Variants in PICK1 observed in about 807,000 individuals in gnomAD.
The protein encoded by PICK1 is protein interacting with PRKCA 1, also known as PRKCA-binding protein.
A neutral mutation model predicts 48.9 loss-of-function variants in PICK1; 23 were observed. The observed-to-expected ratio is 0.47, with a 90% CI of 0.34 to 0.67. PICK1 has a LOEUF of 0.67. Among genes scored for constraint, PICK1 ranks in the 30% least tolerant of loss-of-function variants. PICK1 has a pLI of 0.01. For synonymous variants in PICK1, 217 were observed against 228.2 expected (o/e 0.95, Z 0.44); for missense variants, 423 against 557.1 (o/e 0.76, Z 2.42).
intron 7 of PICK1, among the ~76,000 whole-genome samples, chr22:38,071,304 A>G (rs771739222): frequency 2.0e-5 from 3 of 152,162 alleles, no homozygotes; most frequent in Non-Finnish European, 2.9e-5. Flanking sequence ...AGATCACACC[A>G]CCGCACTCTA....
Position 38,074,971 on chromosome 22 carries a change from G to C in PICK1, c.1087G>C (p.Asp363His). 4 of 1,613,786 alleles carry C rather than the reference G, an allele frequency of 2.5e-6. No individual in the cohort carries two copies. Among genetic ancestry groups the C allele is most frequent in the Non-Finnish European group, 3.4e-6 (4 of 1,180,046 alleles). The change falls in exon 13 of 13, where the codon GAC (aspartate) becomes CAC (histidine). Residue 363 changes from aspartate (D) to histidine (H), a missense_variant. Transcript: ENST00000356976. This position sits in a 1 kb window ranked among gnomAD's most constrained non-coding sequence, Gnocchi z 4.5. ...RDADVFPIEV[D>H]LAHTTLAYGL... ...TGCCGACGTCTTCCCCATCGAGGTA[G>C]ACCTGGCGCACACCACATTGGCCTA...
At chr22:38,060,627 A>C (rs963570628) in intron 3 of PICK1, among the ~76,000 whole-genome samples, 1 of 152,112 alleles carries the variant, frequency 6.6e-6, no homozygotes, top group Non-Finnish European at 1.5e-5. Flanking sequence ...AGGAGGCATT[A>C]GCAAGACCTC....
At position 38,075,341 on chromosome 22, in the gene PICK1, C is replaced by T. The variant is rs2085816224; in HGVS notation, c.*209C>T. 8 of 563,402 alleles carry T rather than the reference C, an allele frequency of 1.4e-5. No individual in the cohort carries two copies. Among genetic ancestry groups the T allele is most frequent in the African/African-American group, 3.8e-5 (2 of 53,232 alleles). The allele number at this position is 563,402 out of a possible 1,614,324, so 34.9% of individuals were successfully genotyped here. On this transcript the variant is annotated 3_prime_UTR_variant, in exon 13 of 13. Coordinates refer to ENST00000356976, the MANE Select transcript of PICK1 (RefSeq NM_012407.4). The stretch of plus-strand genomic sequence containing the variant: ...GCCTGGGACCTGGACACTGGCCCCT[C>T]CACCCTCCCTCCCCTCCCGGCTCCC...
In PICK1 at chr22:38,075,431, A is replaced by G. The variant is rs564538221; in HGVS notation, c.*299A>G. On this transcript the variant is annotated 3_prime_UTR_variant, in exon 13 of 13. Coordinates refer to ENST00000356976, the MANE Select transcript of PICK1 (RefSeq NM_012407.4). ...AAGGAGAGGGAGGGCAGGAAGGAAA[A>G]GAAAGGACTTGGAGGTGGCAGGAGT... 1 of 394,942 alleles carries G rather than the reference A, an allele frequency of 2.5e-6. No individual in the cohort carries two copies. The highest frequency in any genetic ancestry group is 2.0e-5 in the African/African-American group (1 of 49,888). 24.5% of individuals were successfully genotyped at this position (394,942 alleles called of 1,614,324 possible).
chr22:38,059,267 G>A lies in PICK1; in HGVS notation c.75G>A (p.Leu25=). 1 of 1,584,868 alleles carries A rather than the reference G, an allele frequency of 6.3e-7. No homozygotes were observed. The highest frequency in any genetic ancestry group is 8.6e-7 in the Non-Finnish European group (1 of 1,164,910). ...GIPTVPGKVT[L]QKDAQNLIGI... is the part of the protein sequence containing the mutation. ...CGACTGTGCCTGGGAAGGTGACCCT[G>A]CAGAAGGATGCTCAGAACCTGATCG... The change falls in exon 3 of 13, where the codon CTG becomes CTA. Residue 25 remains leucine (L), a synonymous_variant. Transcript: ENST00000356976.
intron 6 of PICK1, among the ~76,000 whole-genome samples, chr22:38,069,329 T>C (rs1457940521): frequency 6.6e-6 from 1 of 152,164 alleles, no homozygotes; most frequent in Non-Finnish European, 1.5e-5. Context: ...TGGGCTGTCT[T>C]AGCCAGTGCC....
chr22:38,063,522 A>G (rs936395552), intron 3 of PICK1, among the ~76,000 whole-genome samples: 4 of 152,192 alleles, frequency 2.6e-5, no homozygotes, highest in African/African-American at 7.2e-5. Flanking sequence ...GAGGAAAAAA[A>G]GAAAAAAGAG....
rs574591289 is a variant in PICK1, at chr22:38,063,399, G to C, written c.154-1603G>C. Among the ~76,000 whole-genome samples, 7 of 152,080 alleles carry C rather than the reference G, an allele frequency of 4.6e-5. No individual in the cohort carries two copies. The South Asian group carries it at 1.5e-3, about 32-fold the overall frequency. The stretch of plus-strand genomic sequence containing the variant: ...TCTTCCCACCTCGGTTTCCCAAAAT[G>C]CTGGGATTACAGGTGCGCACCACCG... On this transcript the variant is annotated intron_variant, in intron 3 of 12. Coordinates refer to ENST00000356976, the MANE Select transcript of PICK1 (RefSeq NM_012407.4).
Position 38,074,273 on chromosome 22 carries a change from C to A in PICK1, c.835-34C>A. On this transcript the variant is annotated intron_variant, in intron 11 of 12. Coordinates refer to ENST00000356976, the MANE Select transcript of PICK1 (RefSeq NM_012407.4). This position sits in a 1 kb window ranked among gnomAD's most constrained non-coding sequence, Gnocchi z 4.5. ...AGCACAGTGCGGTGCGAGGCCGTCC[C>A]TGAGCAGGCACTCCTGTCCCACCCC... 6.2e-7 allele frequency: 1 copy of A among 1,611,626 alleles called. No individual in the cohort carries two copies. Among genetic ancestry groups the A allele is most frequent in the South Asian group, 1.1e-5 (1 of 91,040 alleles).
intron 3 of PICK1, among the ~76,000 whole-genome samples, chr22:38,064,617 C>T (rs549551507): frequency 2.0e-5 from 3 of 152,078 alleles, no homozygotes; most frequent in Non-Finnish European, 2.9e-5. Context: ...CGAAATTAGC[C>T]GGGCGTGGTA....
chr22:38,069,948 T>C (rs1259971829), intron 6 of PICK1, among the ~76,000 whole-genome samples: 2 of 152,208 alleles, frequency 1.3e-5, no homozygotes, highest in Admixed American at 1.3e-4. Flanking sequence ...TGATGTCCCA[T>C]GACCCAGCTA....
At position 38,073,564 on chromosome 22, in the gene PICK1, T is replaced by G. The variant is rs898058325; in HGVS notation, c.784-209T>G. Among the ~76,000 whole-genome samples the G allele has an allele frequency of 1.3e-5, 2 of 152,190 alleles. No individual in the cohort carries two copies. Among genetic ancestry groups the G allele is most frequent in the African/African-American group, 4.8e-5 (2 of 41,448 alleles). ...GCTCCTTTAACGACAGACCCCTTTTTCCCCAGAGCATCTCTTGGGCCTTGA... is the reference window on the plus strand; with the variant it reads ...GCTCCTTTAACGACAGACCCCTTTTGCCCCAGAGCATCTCTTGGGCCTTGA... On this transcript the variant is annotated intron_variant, in intron 10 of 12. Coordinates refer to ENST00000356976, the MANE Select transcript of PICK1 (RefSeq NM_012407.4). This position sits in a 1 kb window ranked among gnomAD's most constrained non-coding sequence, Gnocchi z 5.7.
Position 38,073,949 on chromosome 22 carries a change from A to G in PICK1, c.834+126A>G. 1.0e-6 allele frequency: 1 copy of G among 992,234 alleles called. No homozygotes were observed. Among genetic ancestry groups the G allele is most frequent in the Non-Finnish European group, 1.6e-6 (1 of 632,648 alleles). The allele number at this position is 992,234 out of a possible 1,614,324, so 61.5% of individuals were successfully genotyped here. ...GCTGGACTCTCGTTCCTGGAGATTT[A>G]GGGCCATCTTCCCAGTCCCGCTCGC... On this transcript the variant is annotated intron_variant, in intron 11 of 12. Transcript: ENST00000356976. The surrounding 1 kb of genome is among the most constrained non-coding windows in gnomAD (Gnocchi z 5.7).
intron 3 of PICK1, among the ~76,000 whole-genome samples, chr22:38,062,588 C>T (rs951048847): frequency 6.6e-6 from 1 of 152,164 alleles, no homozygotes; most frequent in African/African-American, 2.4e-5. Flanking sequence ...AGTCTCTCCC[C>T]CTTGTGCCCT....
At chr22:38,061,889 T>G (rs2145860473) in intron 3 of PICK1, among the ~76,000 whole-genome samples, 1 of 152,330 alleles carries the variant, frequency 6.6e-6, no homozygotes, top group East Asian at 1.9e-4. Context: ...TAGATGAGAA[T>G]TTAGTTCTTC....
chr22:38,061,575 G>A (rs1264874854), intron 3 of PICK1, among the ~76,000 whole-genome samples: 1 of 152,128 alleles, frequency 6.6e-6, no homozygotes, highest in African/African-American at 2.4e-5. Flanking sequence ...CTGGAGTGCA[G>A]TGGTGCAAGC....
intron 2 of PICK1, among the ~76,000 whole-genome samples, chr22:38,058,887 G>A (rs779278132): frequency 2.1e-4 from 32 of 152,160 alleles, no homozygotes; most frequent in Non-Finnish European, 4.3e-4. Flanking sequence ...GGCACCTGTA[G>A]TCCCAGCTAC....
chr22:38,064,255 G>A (rs1310278465), intron 3 of PICK1, among the ~76,000 whole-genome samples: 3 of 151,824 alleles, frequency 2.0e-5, no homozygotes, highest in Non-Finnish European at 4.4e-5. Flanking sequence ...ATGGGGTTTC[G>A]CCATGTTGGC....
chr22:38,071,423 ACT>A (rs1272029398), intron 7 of PICK1, among the ~76,000 whole-genome samples: 1 of 152,222 alleles, frequency 6.6e-6, no homozygotes, highest in Non-Finnish European at 1.5e-5. Flanking sequence ...GGAATCCCAC[ACT>A]GTCCCAGGGC....
Sources: gnomAD v4.1 joint callset for allele counts (sites outside exome capture counted in the v4.1 genomes callset) on GRCh38, gnomAD v4.1.1 for gene constraint, Gnocchi (gnomAD v3.1) non-coding constraint, MANE v1.5 for transcripts, NCBI Gene and HGNC (gene_info 2026-07-23, HGNC 2026-07-21) for gene names.